PRKDC: variants seen among roughly 807,000 people sequenced by gnomAD.
PRKDC encodes DNA-dependent protein kinase catalytic subunit.
In PRKDC, 82 loss-of-function variants were observed where a neutral mutation model predicts 486.9. That is an observed-to-expected ratio of 0.17 (90% CI 0.14 to 0.20). The LOEUF (loss-of-function observed/expected upper bound fraction) is 0.20. Among genes scored for constraint, PRKDC ranks in the 10% least tolerant of loss-of-function variants. PRKDC has a pLI of 1.00. For missense variants in PRKDC, 4,504 were observed against 5,038.2 expected (o/e 0.89, Z 3.21); for synonymous variants, 1,895 against 1,837.0 (o/e 1.03, Z -0.81).
chr8:47,947,581 G>C (rs188387940), intron 7 of PRKDC, among the ~76,000 whole-genome samples: 1 of 152,056 alleles, frequency 6.6e-6, no homozygotes, highest in African/African-American at 2.4e-5. Flanking sequence ...AAGCCTGACC[G>C]ACATGGTGAA....
At chr8:47,824,188 C>A (rs887708481) in intron 63 of PRKDC, among the ~76,000 whole-genome samples, 192 bp from the exon 64 acceptor site, 4 of 152,102 alleles carry the variant, frequency 2.6e-5, no homozygotes, top group Non-Finnish European at 5.9e-5. Flanking sequence ...TAACTTTAAT[C>A]ATACATAAGC....
chr8:47,885,837 A>G (rs2089315017), intron 36 of PRKDC, 107 bp downstream of exon 36: 1 of 1,083,404 alleles, frequency 9.2e-7, no homozygotes, highest in African/African-American at 1.6e-5. Flanking sequence ...GGTTGCAGTC[A>G]GCAGAGATCG....
chr8:47,932,860 T>A (rs1340730357), intron 16 of PRKDC, among the ~76,000 whole-genome samples, 160 bp downstream of exon 16: 1 of 152,156 alleles, frequency 6.6e-6, no homozygotes, highest in Non-Finnish European at 1.5e-5. Flanking sequence ...ATACAATAGG[T>A]TACATCCAAC....
At chr8:47,900,019 T>C (rs2089651753) in intron 28 of PRKDC, among the ~76,000 whole-genome samples, 1 of 152,204 alleles carries the variant, frequency 6.6e-6, no homozygotes, top group Non-Finnish European at 1.5e-5. Context: ...ATCTCAGTGG[T>C]TACCACATCC....
intron 66 of PRKDC, 128 bp from the exon 67 acceptor site, chr8:47,819,638 C>T (rs2087538482): frequency 4.4e-6 from 2 of 453,204 alleles, no homozygotes; most frequent in South Asian, 6.8e-5. Context: ...AAATATGCCT[C>T]AGAATGGTTA....
intron 62 of PRKDC, 111 bp downstream of exon 62, chr8:47,828,057 T>G: frequency 9.3e-7 from 1 of 1,070,288 alleles, no homozygotes. Flanking sequence ...TCTTACTCTG[T>G]TAAACACCAG....
At chr8:47,776,239 C>T (rs192278947) in intron 85 of PRKDC, among the ~76,000 whole-genome samples, 1 of 152,312 alleles carries the variant, frequency 6.6e-6, no homozygotes, top group East Asian at 1.9e-4. Flanking sequence ...TTTGCCAGCG[C>T]TATTTGTTGG....
intron 36 of PRKDC, among the ~76,000 whole-genome samples, chr8:47,883,998 T>C (rs2089278736): frequency 6.6e-6 from 1 of 152,254 alleles, no homozygotes; most frequent in African/African-American, 2.4e-5. Context: ...CTCTTAGGGC[T>C]TGTCAGGATA....
intron 40 of PRKDC, 72 bp downstream of exon 40, chr8:47,877,652 G>A: frequency 7.3e-7 from 1 of 1,364,658 alleles, no homozygotes. Context: ...TTTTTTTTTG[G>A]AACAGAGAGG....
At chr8:47,810,705 T>C (rs1204559983) in intron 68 of PRKDC, among the ~76,000 whole-genome samples, 1 of 151,994 alleles carries the variant, frequency 6.6e-6, no homozygotes, top group Admixed American at 6.6e-5. Flanking sequence ...AATGAAAAGG[T>C]GCGCATCTCA....
At chr8:47,822,762 C>A (rs911554931) in intron 64 of PRKDC, among the ~76,000 whole-genome samples, 12 of 152,126 alleles carry the variant, frequency 7.9e-5, no homozygotes, top group Non-Finnish European at 8.8e-5. Context: ...TGCACTCCAG[C>A]GTGGGCGACA....
In PRKDC at chr8:47,943,751, A is replaced by C. The variant is rs962863802; in HGVS notation, c.808+102T>G. 7.9e-6 allele frequency: 8 copies of C among 1,017,628 alleles called. No individual in the cohort carries two copies. The African/African-American group carries it at 1.3e-4, about 17-fold the overall frequency. The allele number at this position is 1,017,628 out of a possible 1,614,324, so 63.0% of individuals were successfully genotyped here. A position where few individuals can be genotyped will look rare whatever the true frequency, so the allele number is the denominator to read the frequency against. ...AATAACTGTGTGTGAAACATCACAGATGTTATCACATTTGCTTTCATTCAA... is the reference window on the plus strand; with the variant it reads ...AATAACTGTGTGTGAAACATCACAGCTGTTATCACATTTGCTTTCATTCAA... On this transcript the variant is annotated intron_variant, in intron 9 of 85. Coordinates refer to ENST00000314191, the MANE Select transcript of PRKDC (RefSeq NM_006904.7).
At chr8:47,863,666 T>C in intron 41 of PRKDC, 89 bp from the exon 42 acceptor site, 3 of 1,106,186 alleles carry the variant, frequency 2.7e-6, no homozygotes, top group Non-Finnish European at 3.8e-6. Context: ...CTTAATATCC[T>C]TTAGACAGAC....
intron 40 of PRKDC, among the ~76,000 whole-genome samples, chr8:47,873,227 CAA>C (rs60385860): frequency 5.6e-5 from 4 of 71,072 alleles, no homozygotes; most frequent in African/African-American, 7.6e-5. Flanking sequence ...GACTCCATCT[CAA>C]AAAAAAAAAA....
chr8:47,868,030 A>G (rs2088857839), intron 40 of PRKDC, among the ~76,000 whole-genome samples: 1 of 152,212 alleles, frequency 6.6e-6, no homozygotes, highest in Non-Finnish European at 1.5e-5. Flanking sequence ...CATTCTTACA[A>G]TAAACACCAA....
chr8:47,810,706 G>A (rs1483444335), intron 68 of PRKDC, among the ~76,000 whole-genome samples: 4 of 152,114 alleles, frequency 2.6e-5, no homozygotes, highest in African/African-American at 7.2e-5. Context: ...ATGAAAAGGT[G>A]CGCATCTCAG....
intron 68 of PRKDC, among the ~76,000 whole-genome samples, chr8:47,809,475 G>A (rs948250993): frequency 2.6e-5 from 4 of 152,214 alleles, no homozygotes; most frequent in African/African-American, 9.7e-5. Flanking sequence ...TCAGGAAAGG[G>A]AGGTGGGAAC....
chr8:47,861,072 T>TAAAAA (rs2088666821), intron 44 of PRKDC, 101 bp from the exon 45 acceptor site: 1 of 828,570 alleles, frequency 1.2e-6, no homozygotes, highest in South Asian at 2.0e-5. Flanking sequence ...TATAAATTTT[T>TAAAAA]AAACAAAACA....
intron 34 of PRKDC, among the ~76,000 whole-genome samples, chr8:47,888,164 C>T (rs564150721): frequency 1.3e-5 from 2 of 152,302 alleles, no homozygotes; most frequent in South Asian, 4.1e-4. Context: ...AAGTATGAGC[C>T]ACTGTATCTG....
Sources: gnomAD v4.1 joint callset for allele counts (sites outside exome capture counted in the v4.1 genomes callset) on GRCh38, gnomAD v4.1.1 for gene constraint, MANE v1.5 for transcripts, NCBI Gene and HGNC (gene_info 2026-07-23, HGNC 2026-07-21) for gene names.